The following WNK3 variants were observed in gnomAD, a reference collection of about 807,000 sequenced individuals.
WNK3 encodes the protein WNK lysine deficient protein kinase 3.
In WNK3, 18 loss-of-function variants were observed where a neutral mutation model predicts 116.7. The observed-to-expected ratio is 0.15, with a 90% confidence interval of 0.11 to 0.23. The LOEUF is 0.23. WNK3 is among the 10% of genes least tolerant of loss of function. The pLI is 1.00. For synonymous variants in WNK3, 404 were observed against 469.4 expected (o/e 0.86, Z 1.80); for missense variants, 993 against 1,323.8 (o/e 0.75, Z 3.88).
At chrX:54,345,493 A>G (rs1432595193) in intron 1 of WNK3, among the ~76,000 whole-genome samples, 1 of 111,084 alleles carries the variant, frequency 9.0e-6, no homozygotes, top group Non-Finnish European at 1.9e-5. Flanking sequence ...AATTATAGGT[A>G]CTGATGAGAA....
At chrX:54,317,005 T>G (rs782656044) in intron 2 of WNK3, among the ~76,000 whole-genome samples, 2 of 111,475 alleles carry the variant, frequency 1.8e-5, no homozygotes, top group African/African-American at 6.5e-5. Flanking sequence ...ACCATGTTCA[T>G]AGCAGCATTA....
In WNK3 at chrX:54,238,308, C is replaced by T; in HGVS notation, c.4014+34G>A. The T allele has an allele frequency of 6.7e-6, 8 of 1,191,495 alleles. No individual in the cohort carries two copies. The Admixed American group carries it at 1.4e-4, about 21-fold the overall frequency. On this transcript the variant is annotated intron_variant, in intron 19 of 23. Coordinates refer to ENST00000354646, the Ensembl canonical transcript of WNK3. ...CACTGGCTGTTATATTTTATAATGCCCTTGTAGATAAGGATTCAATCAAAG... is the reference window on the plus strand; with the variant it reads ...CACTGGCTGTTATATTTTATAATGCTCTTGTAGATAAGGATTCAATCAAAG...
At chrX:54,295,242 A>G (rs2068685888) in intron 7 of WNK3, among the ~76,000 whole-genome samples, 1 of 109,714 alleles carries the variant, frequency 9.1e-6, no homozygotes, top group African/African-American at 3.3e-5. Context: ...TATGCCCCCA[A>G]ATTCCAAATT....
At chrX:54,244,163 T>C (rs782058832) in intron 17 of WNK3, among the ~76,000 whole-genome samples, 2 of 111,889 alleles carry the variant, frequency 1.8e-5, no homozygotes, top group East Asian at 5.6e-4. Flanking sequence ...ATAATGGTGA[T>C]GGATACACAA....
rs1384965812 is a variant in WNK3 at position 54,246,506 on chromosome X, G to C, written c.3651+2191C>G. Among the ~76,000 whole-genome samples the C allele has an allele frequency of 1.4e-4, 16 of 110,512 alleles. No homozygotes were observed. The Admixed American group carries it at 1.5e-3, about 11-fold the overall frequency. The stretch of plus-strand genomic sequence containing the variant: ...ATGGAAATAAGCAAGACAATGAAGG[G>C]GAAGAAAAAAAAGAAATGAAAATAG... On this transcript the variant is annotated intron_variant, in intron 17 of 23. Transcript: ENST00000354646.
chrX:54,339,369 C>T, intron 1 of WNK3, among the ~76,000 whole-genome samples: 1 of 111,086 alleles, frequency 9.0e-6, no homozygotes, highest in Non-Finnish European at 1.9e-5. Flanking sequence ...CTTCACCCAA[C>T]AATAGCAAAA....
chrX:54,299,992 T>C (rs1316308139), intron 6 of WNK3, among the ~76,000 whole-genome samples: 1 of 110,307 alleles, frequency 9.1e-6, no homozygotes, highest in Non-Finnish European at 1.9e-5. Context: ...CCAGAGTAGC[T>C]GGGATTATAG....
intron 22 of WNK3, among the ~76,000 whole-genome samples, chrX:54,211,083 C>A (rs782086343): frequency 1.8e-5 from 2 of 111,499 alleles, no homozygotes; most frequent in Non-Finnish European, 3.8e-5. Flanking sequence ...GAAGCAGGTA[C>A]TCCATTAGCC....
In WNK3 at chrX:54,346,036, TTG is replaced by T. The variant is rs1388849642; in HGVS notation, c.-120+11648_-120+11649del. On this transcript the variant is annotated intron_variant, in intron 1 of 23. Transcript: ENST00000354646. ...ATTACAAAAACTTTCACTTAAACCTTTGTGTTTTTTATTTTTATATCTTATAT... is the reference window on the plus strand; with the variant it reads ...ATTACAAAAACTTTCACTTAAACCTTTGTTTTTTATTTTTATATCTTATAT... Among the ~76,000 whole-genome samples the T allele has an allele frequency of 1.9e-4, 21 of 107,967 alleles. No individual in the cohort carries two copies. In the Admixed American group the frequency reaches 2.0e-3, roughly 10 times the overall value. 93.8% of individuals were successfully genotyped at this position (107,967 alleles called of 115,157 possible).
intron 8 of WNK3, among the ~76,000 whole-genome samples, chrX:54,294,051 C>T (rs1239669610): frequency 4.5e-5 from 5 of 110,351 alleles, no homozygotes; most frequent in African/African-American, 1.3e-4. Flanking sequence ...TGTAGTGGCA[C>T]GCACTTGTAG....
chrX:54,204,270 C>T (rs2067529920), intron 22 of WNK3, among the ~76,000 whole-genome samples: 1 of 110,278 alleles, frequency 9.1e-6, no homozygotes, highest in South Asian at 4.0e-4. Flanking sequence ...AGGCGCACAC[C>T]ACCACGCCCG....
chrX:54,228,697 GC>G lies in WNK3; in HGVS notation c.4870+16del. 2.1e-6 allele frequency: 1 copy of G among 473,903 alleles called. No homozygotes were observed. The highest frequency in any genetic ancestry group is 3.8e-6 in the Non-Finnish European group (1 of 262,238). 39.1% of individuals were successfully genotyped at this position (473,903 alleles called of 1,213,427 possible). A position where few individuals can be genotyped will look rare whatever the true frequency, so the allele number is the denominator to read the frequency against. ...TTTTAAAAAAATTAAAAGTAAAGAA[GC>G]AAAAGAAATACTTACTTTCCAACTC... On this transcript the variant is annotated intron_variant, in intron 22 of 23. Coordinates refer to ENST00000354646, the Ensembl canonical transcript of WNK3.
exon 24 of WNK3, chrX:54,194,414 C>T (rs916948325): frequency 8.9e-6 from 1 of 112,255 alleles, no homozygotes; most frequent in Non-Finnish European, 1.9e-5. Context: ...AAAGCAATTT[C>T]AACCCATTGC....
At chrX:54,217,999 G>A (rs2067717804) in intron 22 of WNK3, among the ~76,000 whole-genome samples, 1 of 111,584 alleles carries the variant, frequency 9.0e-6, no homozygotes, top group African/African-American at 3.3e-5. Context: ...AGGAAAAAAG[G>A]GGACCCAACA....
intron 10 of WNK3, among the ~76,000 whole-genome samples, chrX:54,273,238 G>A (rs1158841307): frequency 8.9e-6 from 1 of 112,208 alleles, no homozygotes; most frequent in Non-Finnish European, 1.9e-5. Flanking sequence ...AACAACGAAC[G>A]TATACATCTG....
intron 22 of WNK3, among the ~76,000 whole-genome samples, chrX:54,215,116 C>CA (rs60946524): frequency 0.031 from 903 of 28,804 alleles, 15 homozygotes; most frequent in African/African-American, 0.046. Context: ...GACTCCATCT[C>CA]AAAAAAAAAA....
At chrX:54,258,387 A>G (rs1170911126) in intron 11 of WNK3, among the ~76,000 whole-genome samples, 1 of 109,306 alleles carries the variant, frequency 9.1e-6, no homozygotes, top group Non-Finnish European at 1.9e-5. Context: ...AGGCTGGAAT[A>G]CAGTGGTGCG....
At chrX:54,273,612 AC>A (rs2068408978) in intron 10 of WNK3, among the ~76,000 whole-genome samples, 1 of 112,188 alleles carries the variant, frequency 8.9e-6, no homozygotes, top group African/African-American at 3.2e-5. Flanking sequence ...CCATCCACAG[AC>A]CATAAATGGT....
intron 10 of WNK3, among the ~76,000 whole-genome samples, chrX:54,282,882 G>C (rs1557162878): frequency 9.0e-6 from 1 of 111,553 alleles, no homozygotes; most frequent in African/African-American, 3.3e-5. Flanking sequence ...AAATATAGGA[G>C]AAAATCTTCA....
Sources: allele counts gnomAD v4.1 joint callset (sites outside exome capture counted in the v4.1 genomes callset), GRCh38; gene constraint gnomAD v4.1.1; transcripts MANE v1.5; gene names NCBI Gene and HGNC (gene_info 2026-07-23, HGNC 2026-07-21).